The following GPR158 variants were observed in gnomAD, a reference collection of about 807,000 sequenced individuals.
The protein encoded by GPR158 is G protein-coupled receptor 158.
A neutral mutation model predicts 78.2 loss-of-function variants in GPR158; 30 were observed. The ratio of observed to expected loss-of-function variants is 0.38; its 90% confidence interval spans 0.29 to 0.52. The LOEUF (loss-of-function observed/expected upper bound fraction) is 0.52, where lower values mean the gene tolerates loss of function less well. Ranked by LOEUF, GPR158 falls within the 20% of genes least tolerant of loss-of-function variation. GPR158 has a pLI of 0.83. For missense variants in GPR158, 1,463 were observed against 1,523.5 expected, an observed-to-expected ratio of 0.96 and a Z score of 0.66; for synonymous variants, 581 against 591.1, an observed-to-expected ratio of 0.98 and a Z score of 0.25.
At position 25,372,564 on chromosome 10, in the gene GPR158, T is replaced by C. The variant is rs530603619; in HGVS notation, c.1009-23347T>C. 2.2e-3 allele frequency among the ~76,000 whole-genome samples: 328 copies of C among 147,428 alleles called. 3 individuals are homozygous for C. The highest frequency in any genetic ancestry group is 7.8e-3 in the African/African-American group (310 of 39,588). ...TGAGTTCATGTCCTTTGTAGGGACATGGACGAAATTGGAAATCACCATTCT... is the reference window on the plus strand; with the variant it reads ...TGAGTTCATGTCCTTTGTAGGGACACGGACGAAATTGGAAATCACCATTCT... On this transcript the variant is annotated intron_variant, in intron 2 of 10. Coordinates refer to ENST00000376351, the MANE Select transcript of GPR158 (RefSeq NM_020752.3).
At chr10:25,440,301 G>C (rs1835051384) in intron 4 of GPR158, among the ~76,000 whole-genome samples, 1 of 152,222 alleles carries the variant, frequency 6.6e-6, no homozygotes, top group African/African-American at 2.4e-5. Context: ...TTGAGGGGTG[G>C]ATAGGGCTGT....
intron 2 of GPR158, among the ~76,000 whole-genome samples, chr10:25,291,654 A>G (rs1854437333): frequency 6.6e-6 from 1 of 152,122 alleles, no homozygotes. Context: ...TAACCAAAAA[A>G]CAAAACATCA....
At chr10:25,384,316 G>A (rs1036890213) in intron 2 of GPR158, among the ~76,000 whole-genome samples, 14 of 152,056 alleles carry the variant, frequency 9.2e-5, no homozygotes, top group African/African-American at 2.9e-4. Flanking sequence ...ACAGCACTCT[G>A]GGCTATTTAA....
intron 4 of GPR158, among the ~76,000 whole-genome samples, chr10:25,421,734 A>G (rs1173541636): frequency 6.6e-6 from 1 of 152,116 alleles, no homozygotes; most frequent in Non-Finnish European, 1.5e-5. Context: ...AAACAATATT[A>G]TTTTTGCTCC....
At chr10:25,323,553 G>T (rs933419154) in intron 2 of GPR158, among the ~76,000 whole-genome samples, 4 of 150,778 alleles carry the variant, frequency 2.7e-5, no homozygotes, top group Non-Finnish European at 5.9e-5. Flanking sequence ...GAGAAACATG[G>T]TCTTGCTCTA....
At chr10:25,206,934 A>G (rs1853047927) in intron 1 of GPR158, among the ~76,000 whole-genome samples, 2 of 150,594 alleles carry the variant, frequency 1.3e-5, no homozygotes, top group South Asian at 2.1e-4. Context: ...GAGAGAAAGG[A>G]CTTAATTATT....
chr10:25,386,722 A>T lies in GPR158; in HGVS notation c.1009-9189A>T, dbSNP rs76118817. Among the ~76,000 whole-genome samples the T allele has an allele frequency of 5.9e-3, 892 of 151,740 alleles. 25 individuals are homozygous for T. Among genetic ancestry groups the T allele is most frequent in the Admixed American group, 0.038 (574 of 15,240 alleles). On this transcript the variant is annotated intron_variant, in intron 2 of 10. Transcript: ENST00000376351. ...TGATATTTTCATTTTATTCTTTTTG[A>T]TATTATTGTAAATGAGACTGTTTCT... is the stretch of plus-strand genomic sequence containing the variant.
chr10:25,457,454 T>G (rs1261780083), intron 4 of GPR158, among the ~76,000 whole-genome samples: 4 of 151,852 alleles, frequency 2.6e-5, no homozygotes, highest in African/African-American at 7.3e-5. Context: ...TTTTTTTTCA[T>G]TTAGAGAATT....
At chr10:25,560,296 C>T (rs751475226) in intron 6 of GPR158, among the ~76,000 whole-genome samples, 10 of 152,256 alleles carry the variant, frequency 6.6e-5, no homozygotes, top group Middle Eastern at 3.4e-3. Context: ...GACGGAGTCT[C>T]GCTCTGTCAC....
At chr10:25,215,802 T>G (rs1309069697) in intron 1 of GPR158, among the ~76,000 whole-genome samples, 2 of 152,208 alleles carry the variant, frequency 1.3e-5, no homozygotes, top group Non-Finnish European at 2.9e-5. Flanking sequence ...GCCACTGTAC[T>G]CCAGCCTGGG....
intron 4 of GPR158, among the ~76,000 whole-genome samples, chr10:25,436,938 G>T (rs181936709): frequency 9.1e-4 from 139 of 152,282 alleles, no homozygotes; most frequent in African/African-American, 3.2e-3. Context: ...GCAATGGAGG[G>T]ATGAGGTCTG....
At chr10:25,562,079 T>G (rs1261296348) in intron 6 of GPR158, among the ~76,000 whole-genome samples, 1 of 151,108 alleles carries the variant, frequency 6.6e-6, no homozygotes, top group Non-Finnish European at 1.5e-5. Flanking sequence ...TGTATTGAGG[T>G]AAAATTTACA....
chr10:25,293,502 T>C (rs1475528195), intron 2 of GPR158, among the ~76,000 whole-genome samples: 1 of 152,234 alleles, frequency 6.6e-6, no homozygotes, highest in Non-Finnish European at 1.5e-5. Context: ...TTAGCCATTC[T>C]ATTGTTATTG....
At chr10:25,404,290 A>C (rs1024138110) in intron 3 of GPR158, among the ~76,000 whole-genome samples, 11 of 152,042 alleles carry the variant, frequency 7.2e-5, no homozygotes, top group Non-Finnish European at 1.3e-4. Flanking sequence ...AACCTCATGA[A>C]TTTTGATAGT....
At chr10:25,339,239 G>T (rs1190661962) in intron 2 of GPR158, among the ~76,000 whole-genome samples, 1 of 151,488 alleles carries the variant, frequency 6.6e-6, no homozygotes, top group Non-Finnish European at 1.5e-5. Context: ...CTCCCACCTT[G>T]GCCTCCCAAA....
chr10:25,210,726 T>C (rs1426647732), intron 1 of GPR158, among the ~76,000 whole-genome samples: 1 of 152,228 alleles, frequency 6.6e-6, no homozygotes, highest in Non-Finnish European at 1.5e-5. Context: ...TTTTGTTGAC[T>C]TGCAAGAAAT....
chr10:25,304,629 A>G (rs926588461), intron 2 of GPR158, among the ~76,000 whole-genome samples: 1 of 152,070 alleles, frequency 6.6e-6, no homozygotes, highest in African/African-American at 2.4e-5. Context: ...GCTGGTTTTT[A>G]TCTCATATAT....
In GPR158 at chr10:25,592,169, A is replaced by C. The variant is rs1166349004; in HGVS notation, c.1893-2123A>C. Among the ~76,000 whole-genome samples, 12 of 152,014 alleles carry C rather than the reference A, an allele frequency of 7.9e-5. No homozygotes were observed. In the East Asian group the frequency reaches 2.3e-3, roughly 29 times the overall value. On this transcript the variant is annotated intron_variant, in intron 8 of 10. Coordinates refer to ENST00000376351, the MANE Select transcript of GPR158 (RefSeq NM_020752.3). The stretch of plus-strand genomic sequence containing the variant: ...ATGTGTTCTTTCTTATATGCTTAAA[A>C]AAATTATGTCTATGTATGTATATAT...
rs181571682 is a variant in GPR158 at position 25,295,559 on chromosome 10, G to A, written c.1008+74402G>A. On this transcript the variant is annotated intron_variant, in intron 2 of 10. Coordinates refer to ENST00000376351, the MANE Select transcript of GPR158 (RefSeq NM_020752.3). ...CTCCCGAGTAGCTGGGACTACAGGC[G>A]CCCGCCACTACGCCCGGCTAATTTT... Among the ~76,000 whole-genome samples the A allele has an allele frequency of 9.7e-3, 1,463 of 151,430 alleles. 30 individuals are homozygous for A. The highest frequency in any genetic ancestry group is 0.033 in the African/African-American group (1,383 of 41,436).
Sources: gnomAD v4.1 joint callset for allele counts (sites outside exome capture counted in the v4.1 genomes callset) on GRCh38, gnomAD v4.1.1 for gene constraint, MANE v1.5 for transcripts, NCBI Gene and HGNC (gene_info 2026-07-23, HGNC 2026-07-21) for gene names.